The following ZNF44 variants were observed in gnomAD, a reference collection of about 807,000 sequenced individuals.
The protein encoded by ZNF44 is gonadotropin inducible transcription repressor-2.
In ZNF44, 9 loss-of-function variants were observed where a neutral mutation model predicts 11.7. That is an observed-to-expected ratio of 0.77 (90% CI 0.46 to 1.35). The LOEUF is 1.35. Among genes scored for constraint, ZNF44 ranks in the 40% most tolerant of loss-of-function variants. The pLI is 0.00. For synonymous variants in ZNF44, 224 were observed against 242.7 expected, an observed-to-expected ratio of 0.92 and a Z score of 0.72; for missense variants, 696 against 743.1, an observed-to-expected ratio of 0.94 and a Z score of 0.74.
In ZNF44 at chr19:12,273,516, G is replaced by T; in HGVS notation, c.739C>A (p.His247Asn). 1 of 1,614,040 alleles carries T rather than the reference G, an allele frequency of 6.2e-7. No individual in the cohort carries two copies. Among genetic ancestry groups the T allele is most frequent in the Admixed American group, 1.7e-5 (1 of 60,004 alleles). Residue 247 changes from histidine to asparagine, a missense_variant, in exon 4 of 4, where the codon CAC (histidine) becomes AAC (asparagine). Coordinates refer to ENST00000355684, the MANE Select transcript of ZNF44 (RefSeq NM_016264.4). ...CATTCATACGGTTTCTCCCCAGTGT[G>T]TATTTTTTCATGTCTTAGATAGGAA... ...YSSYLRHEKI[H>N]TGEKPYECKQ... is the part of the protein sequence containing the mutation.
chr19:12,237,956 C>T (rs1916458153), upstream of ZNF44: 2 of 152,308 alleles, frequency 1.3e-5, no homozygotes, highest in Non-Finnish European at 2.9e-5. Context: ...GCAGGCAGTT[C>T]CACACTCCGT....
At chr19:12,225,670 TAG>T (rs1285671205), downstream of ZNF44, among the ~76,000 whole-genome samples, 1 of 152,168 alleles carries the variant, frequency 6.6e-6, no homozygotes, top group African/African-American at 2.4e-5. Flanking sequence ...CTGCAAATAG[TAG>T]AGTGAGTAAA....
downstream of ZNF44, among the ~76,000 whole-genome samples, chr19:12,270,824 G>A (rs980356366): frequency 1.3e-5 from 2 of 152,138 alleles, no homozygotes; most frequent in Non-Finnish European, 2.9e-5. Context: ...ACTTATGGAA[G>A]AGCTTCACAA....
chr19:12,229,614 GAT>G (rs1056784766), intron 3 of ZNF44, among the ~76,000 whole-genome samples: 4 of 139,934 alleles, frequency 2.9e-5, no homozygotes, highest in African/African-American at 1.3e-4. Context: ...TAGGAAGAAA[GAT>G]ATTTTTTTTT....
downstream of ZNF44, among the ~76,000 whole-genome samples, chr19:12,268,153 C>CACACACAG (rs1917805152): frequency 7.2e-6 from 1 of 138,256 alleles, no homozygotes; most frequent in Non-Finnish European, 1.6e-5. Flanking sequence ...CAGACACACA[C>CACACACAG]ACACACACAC....
intron 3 of ZNF44, among the ~76,000 whole-genome samples, chr19:12,228,434 G>A (rs935764842): frequency 6.6e-6 from 1 of 152,156 alleles, no homozygotes; most frequent in Non-Finnish European, 1.5e-5. Context: ...ATTTAATTCC[G>A]TGTGTCCTAG....
chr19:12,233,846 G>T (rs1039415847), intron 2 of ZNF44, among the ~76,000 whole-genome samples: 2 of 152,104 alleles, frequency 1.3e-5, no homozygotes, highest in African/African-American at 4.8e-5. Context: ...GGTGGATCAT[G>T]AGGTCAGGAG....
upstream of ZNF44, among the ~76,000 whole-genome samples, chr19:12,242,402 C>T (rs1568423800): frequency 6.6e-6 from 1 of 150,830 alleles, no homozygotes; most frequent in African/African-American, 2.4e-5. Flanking sequence ...CCTAGCTACT[C>T]GGGAGGCTGA....
At chr19:12,285,179 A>G in intron 1 of ZNF44, 1 of 517,198 alleles carries the variant, frequency 1.9e-6, no homozygotes, top group Non-Finnish European at 3.4e-6. Context: ...CTGTGGCTAC[A>G]ACATAGGGCT....
chr19:12,267,039 TTTTC>T (rs1243841148), downstream of ZNF44, among the ~76,000 whole-genome samples: 20 of 108,682 alleles, frequency 1.8e-4, no homozygotes, highest in African/African-American at 7.6e-4. Context: ...ATTTTTTCTT[TTTTC>T]TTTTTTTTTT....
In ZNF44 at chr19:12,272,490, C is replaced by T; in HGVS notation, c.1765G>A (p.Glu589Lys). ...AAGGCTTTCCCACATTCCTTACATTCATAGGGCTTCTCTCCAGTGTGAGTT... is the reference window on the plus strand; with the variant it reads ...AAGGCTTTCCCACATTCCTTACATTTATAGGGCTTCTCTCCAGTGTGAGTT... Reference protein sequence around the residue: ...ERTHTGEKPYECKECGKAFSS... With the variant: ...ERTHTGEKPYKCKECGKAFSS... The change falls in exon 4 of 4, where the codon GAA (glutamate) becomes AAA (lysine). Residue 589 changes from glutamate (E) to lysine (K), a missense_variant. Transcript: ENST00000355684. 7 of 1,610,788 alleles carry T rather than the reference C, an allele frequency of 4.3e-6. No individual in the cohort carries two copies. The highest frequency in any genetic ancestry group is 5.9e-6 in the Non-Finnish European group (7 of 1,178,984).
chr19:12,253,392 G>T (rs1382235049), intron 5 of ZNF44, among the ~76,000 whole-genome samples: 1 of 151,452 alleles, frequency 6.6e-6, no homozygotes, highest in Non-Finnish European at 1.5e-5. Context: ...GTTTTGTCAT[G>T]TTGGCCAGGC....
intron 5 of ZNF44, among the ~76,000 whole-genome samples, chr19:12,251,329 C>CA (rs58014346): frequency 0.067 from 8,909 of 132,894 alleles, 935 homozygotes; most frequent in African/African-American, 0.22. Flanking sequence ...GACTCTGTCT[C>CA]AAAAAAAAAA....
chr19:12,239,203 C>T (rs1282494155), upstream of ZNF44, among the ~76,000 whole-genome samples: 1 of 152,058 alleles, frequency 6.6e-6, no homozygotes, highest in East Asian at 1.9e-4. Flanking sequence ...GCCCCCACCT[C>T]CCGGGTTCAA....
chr19:12,250,533 T>C (rs1916950222), intron 5 of ZNF44, among the ~76,000 whole-genome samples: 1 of 152,208 alleles, frequency 6.6e-6, no homozygotes, highest in African/African-American at 2.4e-5. Context: ...CCTCAGTAGT[T>C]TATGAACACA....
At chr19:12,230,864 G>A (rs1460932836) in intron 2 of ZNF44, among the ~76,000 whole-genome samples, 2 of 152,166 alleles carry the variant, frequency 1.3e-5, no homozygotes, top group Non-Finnish European at 2.9e-5. Context: ...CTTATTACAA[G>A]CTTGGAATGT....
At chr19:12,247,615 T>G (rs1208306392), downstream of ZNF44, 1 of 1,335,134 alleles carries the variant, frequency 7.5e-7, no homozygotes, top group East Asian at 4.9e-5. Flanking sequence ...TCATACTGTT[T>G]CTTTGCAGTG....
At chr19:12,259,788 G>A in intron 5 of ZNF44, among the ~76,000 whole-genome samples, 1 of 152,208 alleles carries the variant, frequency 6.6e-6, no homozygotes, top group East Asian at 1.9e-4. Context: ...ACTATGCCAT[G>A]GGTGTTATCC....
At chr19:12,230,573 A>G (rs1916118755) in intron 2 of ZNF44, 1 of 149,796 alleles carries the variant, frequency 6.7e-6, no homozygotes, top group East Asian at 1.9e-4. Context: ...GAATAAAAAG[A>G]CAACGAGTGG....
Sources: gnomAD v4.1 joint callset for allele counts (sites outside exome capture counted in the v4.1 genomes callset) on GRCh38, gnomAD v4.1.1 for gene constraint, MANE v1.5 for transcripts, NCBI Gene and HGNC (gene_info 2026-07-23, HGNC 2026-07-21) for gene names.